Variants in CD164L2 observed in about 807,000 individuals in gnomAD.
CD164L2 encodes CD164 sialomucin-like 2 protein.
In CD164L2, 21 loss-of-function variants were observed where a neutral mutation model predicts 23.9. That is an observed-to-expected ratio of 0.88 (90% confidence interval 0.62 to 1.27). The LOEUF is 1.27. CD164L2 is among the 50% of genes most tolerant of loss of function. The probability of loss-of-function intolerance (pLI) is 0.00; values close to 1 mark genes in which losing one functional copy is unlikely to be tolerated. For synonymous variants in CD164L2, 92 were observed against 90.2 expected, an observed-to-expected ratio of 1.02 and a Z score of -0.11; for missense variants, 230 against 224.8, an observed-to-expected ratio of 1.02 and a Z score of -0.15.
chr1:27,382,966 T>C (rs2016369224), intron 1 of CD164L2, among the ~76,000 whole-genome samples, 186 bp downstream of exon 1: 1 of 151,862 alleles, frequency 6.6e-6, no homozygotes, highest in Non-Finnish European at 1.5e-5. Flanking sequence ...CCCCCACACC[T>C]GGGGCCTATA....
In CD164L2 at chr1:27,382,620, T is replaced by C; in HGVS notation, c.136A>G (p.Ile46Val). The part of the protein sequence containing the change: ...FGRGALIRLN[I>V]WPAVQGACKQ... ...CAGGCCCCTTGGACCGCCGGCCAGATATTCAGGCGGATCAGGGCTCCCCTC... is the reference window on the plus strand; with the variant it reads ...CAGGCCCCTTGGACCGCCGGCCAGACATTCAGGCGGATCAGGGCTCCCCTC... The change falls in exon 2 of 6, where the codon ATC becomes GTC. Residue 46 changes from isoleucine (I) to valine (V), a missense_variant. Coordinates refer to ENST00000374030, the MANE Select transcript of CD164L2 (RefSeq NM_001330448.1). 1 of 1,613,010 alleles carries C rather than the reference T, an allele frequency of 6.2e-7. No homozygotes were observed. Among genetic ancestry groups the C allele is most frequent in the African/African-American group, 1.3e-5 (1 of 74,982 alleles).
intron 4 of CD164L2, among the ~76,000 whole-genome samples, chr1:27,381,157 G>A (rs2016328522): frequency 6.6e-6 from 1 of 152,240 alleles, no homozygotes; most frequent in Non-Finnish European, 1.5e-5. Context: ...AGAGAAGGAA[G>A]CTGGGGGATG....
At position 27,382,506 on chromosome 1, in the gene CD164L2, C is replaced by T. The variant is rs199814220; in HGVS notation, c.250G>A (p.Glu84Lys). 3.2e-4 allele frequency: 508 copies of T among 1,602,472 alleles called. 2 individuals are homozygous for T. The highest frequency in any genetic ancestry group is 6.6e-4 in the Middle Eastern group (4 of 6,022). ...GGAGGGCTCAGCTCCATACCTGGCT[C>T]CTCTGGCCGGCACTGCTCCCACACG... The part of the protein sequence containing the change: ...SCVWEQCRPE[E>K]PGHCVAQSEV... Residue 84 changes from glutamate to lysine, a missense_variant, in exon 2 of 6, where the codon GAG (glutamate) becomes AAG (lysine). By Grantham distance (56) the Glu-to-Lys change is moderately conservative. Coordinates refer to ENST00000374030, the MANE Select transcript of CD164L2 (RefSeq NM_001330448.1).
chr1:27,379,409 T>C lies in CD164L2; in HGVS notation c.*94A>G. 8.8e-7 allele frequency: 1 copy of C among 1,134,226 alleles called. No individual in the cohort carries two copies. Among genetic ancestry groups the C allele is most frequent in the African/African-American group, 1.6e-5 (1 of 64,184 alleles). The allele number at this position is 1,134,226 out of a possible 1,614,324, so 70.3% of individuals were successfully genotyped here. ...GCCAAAAACTGGCGGCCAGAGTTTT[T>C]CCCGCCCCCGCCCCCCGCTTACCCA... On this transcript the variant is annotated 3_prime_UTR_variant, in exon 6 of 6. Coordinates refer to ENST00000374030, the MANE Select transcript of CD164L2 (RefSeq NM_001330448.1).
At chr1:27,382,751 G>A in intron 1 of CD164L2, 84 bp from the exon 2 acceptor site, 2 of 1,363,416 alleles carry the variant, frequency 1.5e-6, no homozygotes. Flanking sequence ...ACACTCCGGT[G>A]GCCCTCGCCC....
At chr1:27,381,472 C>T (rs1168613250) in intron 4 of CD164L2, among the ~76,000 whole-genome samples, 1 of 152,198 alleles carries the variant, frequency 6.6e-6, no homozygotes, top group Non-Finnish European at 1.5e-5. Context: ...CCCTCACCTC[C>T]AAGGACAAGT....
intron 4 of CD164L2, among the ~76,000 whole-genome samples, chr1:27,381,260 G>A (rs754249534): frequency 2.5e-4 from 38 of 152,184 alleles, no homozygotes; most frequent in Non-Finnish European, 4.6e-4. Flanking sequence ...TTCTGAGATC[G>A]GTTTCTGGCT....
In CD164L2 at chr1:27,380,185, T is replaced by TG. The variant is rs755393856; in HGVS notation, c.383dup (p.Val129SerfsTer3). On this transcript the variant is annotated frameshift_variant, in exon 5 of 6. Coordinates refer to ENST00000374030, the MANE Select transcript of CD164L2 (RefSeq NM_001330448.1). LOFTEE classifies it high-confidence loss of function. The stretch of plus-strand genomic sequence containing the variant: ...ATCCAGGGCTGTGGGCCTCAGGGAC[T>TG]GGGGGGCTCCCTGCAGGGGTGAGGC... 5 of 1,613,950 alleles carry TG rather than the reference T, an allele frequency of 3.1e-6. No homozygotes were observed. The highest frequency in any genetic ancestry group is 2.2e-5 in the South Asian group (2 of 91,070).
At chr1:27,379,571 T>A in intron 5 of CD164L2, 62 bp from the exon 6 acceptor site, 1 of 1,550,586 alleles carries the variant, frequency 6.4e-7, no homozygotes. Context: ...AAGGACCCCC[T>A]GCCTCGAGAG....
Position 27,380,179 on chromosome 1 carries a change from A to G in CD164L2, c.390T>C (p.Pro130=). 8 of 1,614,054 alleles carry G rather than the reference A, an allele frequency of 5.0e-6. No individual in the cohort carries two copies. Among genetic ancestry groups the G allele is most frequent in the Non-Finnish European group, 6.8e-6 (8 of 1,179,964 alleles). ...CGTCAAATCCAGGGCTGTGGGCCTCAGGGACTGGGGGGCTCCCTGCAGGGG... is the reference window on the plus strand; with the variant it reads ...CGTCAAATCCAGGGCTGTGGGCCTCGGGGACTGGGGGGCTCCCTGCAGGGG... ...KTVTTGSPPV[P]EAHSPGFDGA... Residue 130 remains proline (P), a synonymous_variant, in exon 5 of 6, where the codon CCT becomes CCC. Coordinates refer to ENST00000374030, the MANE Select transcript of CD164L2 (RefSeq NM_001330448.1).
chr1:27,382,475 A>G (rs750224271), intron 2 of CD164L2, 25 bp downstream of exon 2: 23 of 1,587,482 alleles, frequency 1.4e-5, no homozygotes, highest in Admixed American at 5.1e-5. Context: ...GGGGCACTCA[A>G]TCTGGGGAGG....
chr1:27,379,774 C>A (rs1225775336), intron 5 of CD164L2: 2 of 1,435,156 alleles, frequency 1.4e-6, no homozygotes, highest in Non-Finnish European at 1.8e-6. Flanking sequence ...CCTACTGGTT[C>A]TCTTCCCTGC....
In CD164L2 at chr1:27,379,273, G is replaced by A; in HGVS notation, c.*230C>T. ...CTGTCAGGCTGGGGGGCCCAGCAGG[G>A]GCGATGGAGGAGACGAGGTGGTTGA... On this transcript the variant is annotated 3_prime_UTR_variant, in exon 6 of 6. Transcript: ENST00000374030. The A allele has an allele frequency of 1.7e-6, 1 of 598,262 alleles. No individual in the cohort carries two copies. Among genetic ancestry groups the A allele is most frequent in the Non-Finnish European group, 3.0e-6 (1 of 332,032 alleles). The allele number at this position is 598,262 out of a possible 1,614,324, so 37.1% of individuals were successfully genotyped here.
rs1026276924 is a variant in CD164L2, at chr1:27,379,194, T to C, written c.*309A>G. On this transcript the variant is annotated 3_prime_UTR_variant, in exon 6 of 6. Transcript: ENST00000374030. ...CATGAAGTGCAGTGCAGAGTTCCTT[T>C]ATTTGGGGGCAGTGCCCAGGCCAGT... is the stretch of plus-strand genomic sequence containing the variant. 9.2e-5 allele frequency: 48 copies of C among 523,948 alleles called. No homozygotes were observed. Among genetic ancestry groups the C allele is most frequent in the South Asian group, 8.3e-4 (37 of 44,330 alleles). The allele number at this position is 523,948 out of a possible 1,614,324, so 32.5% of individuals were successfully genotyped here. A position where few individuals can be genotyped will look rare whatever the true frequency, so the allele number is the denominator to read the frequency against.
intron 2 of CD164L2, 22 bp from the exon 3 acceptor site, chr1:27,382,421 G>T: frequency 6.3e-7 from 1 of 1,591,454 alleles, no homozygotes; most frequent in South Asian, 1.1e-5. Context: ...AGGTGCAGGG[G>T]GGAGGTTTGG....
rs781168206 is a variant in CD164L2, at chr1:27,381,782, G to A, written c.371C>T (p.Thr124Ile). ...CCCCGTCTCCAGGGAGTACTCACCT[G>A]TTGTGACTGTCTTCGGTTCATAGGT... ...HPTYEPKTVT[T>I]GSPPVPEAHS... The change falls in exon 4 of 6, where the codon ACA becomes ATA. Residue 124 changes from threonine to isoleucine, a missense_variant and splice_region_variant. Thr to Ile is a moderately conservative substitution (Grantham distance 89). Transcript: ENST00000374030. 4.3e-6 allele frequency: 7 copies of A among 1,613,906 alleles called. No individual in the cohort carries two copies. The African/African-American group carries it at 9.3e-5, about 22-fold the overall frequency.
chr1:27,382,957 C>T (rs879354519), intron 1 of CD164L2, among the ~76,000 whole-genome samples, 195 bp downstream of exon 1: 12 of 152,076 alleles, frequency 7.9e-5, no homozygotes, highest in Non-Finnish European at 1.3e-4. Flanking sequence ...CTCCCTAGGC[C>T]CCCACACCTG....
chr1:27,383,021 C>A, intron 1 of CD164L2, 131 bp downstream of exon 1: 2 of 723,918 alleles, frequency 2.8e-6, no homozygotes, highest in Non-Finnish European at 4.6e-6. Context: ...CCTCTCCCAC[C>A]CCTGGAGGCC....
At chr1:27,379,808 C>G in intron 5 of CD164L2, 1 of 1,441,954 alleles carries the variant, frequency 6.9e-7, no homozygotes, top group South Asian at 1.5e-5. Flanking sequence ...GGAAAAGACA[C>G]AGGAGGGCTC....
Sources: allele counts gnomAD v4.1 joint callset (sites outside exome capture counted in the v4.1 genomes callset), GRCh38; gene constraint gnomAD v4.1.1; transcripts MANE v1.5; gene names NCBI Gene and HGNC (gene_info 2026-07-23, HGNC 2026-07-21).